Variants in TMEM51 observed in about 807,000 individuals in gnomAD.
The protein encoded by TMEM51 is chromosome 1 open reading frame 72.
TMEM51 carries 8 observed loss-of-function variants against 13.6 expected under a neutral mutation model. That is an observed-to-expected ratio of 0.59 (90% CI 0.35 to 1.07). The LOEUF (loss-of-function observed/expected upper bound fraction) is 1.07. Among genes scored for constraint, TMEM51 ranks in the 50% least tolerant of loss-of-function variants. TMEM51 has a pLI of 0.02. For missense variants in TMEM51, 279 were observed against 330.7 expected (o/e 0.84, Z 1.21); for synonymous variants, 147 against 144.4 (o/e 1.02, Z -0.13).
At chr1:15,219,065 G>A (rs1350039822) in intron 3 of TMEM51, among the ~76,000 whole-genome samples, 1 of 147,858 alleles carries the variant, frequency 6.8e-6, no homozygotes, top group Non-Finnish European at 1.5e-5. Flanking sequence ...CCCAATTTGG[G>A]GACTCACCTG....
At chr1:15,218,203 C>G (rs1573457155) in intron 3 of TMEM51, among the ~76,000 whole-genome samples, 1 of 152,192 alleles carries the variant, frequency 6.6e-6, no homozygotes, top group Non-Finnish European at 1.5e-5. Context: ...CTGAGAGGAC[C>G]TGATCTTTTT....
intron 1 of TMEM51, among the ~76,000 whole-genome samples, chr1:15,205,466 G>A (rs775049392): frequency 5.3e-5 from 8 of 152,194 alleles, no homozygotes; most frequent in Non-Finnish European, 1.0e-4. Flanking sequence ...GAAGGCCACA[G>A]AGGCCTCAAG....
intron 1 of TMEM51, among the ~76,000 whole-genome samples, chr1:15,186,489 C>A (rs1182895732): frequency 6.6e-6 from 1 of 152,100 alleles, no homozygotes; most frequent in Non-Finnish European, 1.5e-5. Context: ...CATGGATGAC[C>A]TTGGTTTTGA....
At chr1:15,186,636 A>G (rs12407705) in intron 1 of TMEM51, among the ~76,000 whole-genome samples, 29,813 of 152,156 alleles carry the variant, frequency 0.2, 3,146 homozygotes, top group Middle Eastern at 0.25. Context: ...GAAATTGTGC[A>G]TGGAAATTAA....
At chr1:15,153,323 C>A (rs1292453814), upstream of TMEM51, among the ~76,000 whole-genome samples, 3 of 152,134 alleles carry the variant, frequency 2.0e-5, no homozygotes, top group Admixed American at 6.5e-5. Flanking sequence ...AAGCGGGTCT[C>A]CCAGCTCCAC....
intron 1 of TMEM51, among the ~76,000 whole-genome samples, chr1:15,170,061 G>T (rs1450783357): frequency 6.6e-6 from 1 of 152,140 alleles, no homozygotes; most frequent in East Asian, 1.9e-4. Context: ...TCTCGAAATG[G>T]GGAGAATAGT....
At chr1:15,180,715 G>A (rs149072193) in intron 1 of TMEM51, among the ~76,000 whole-genome samples, 8 of 152,268 alleles carry the variant, frequency 5.3e-5, no homozygotes, top group Non-Finnish European at 7.4e-5. Flanking sequence ...GACAGTGGCC[G>A]TACTTCTTCC....
chr1:15,165,850 T>C (rs1434061855), intron 1 of TMEM51, among the ~76,000 whole-genome samples: 1 of 152,016 alleles, frequency 6.6e-6, no homozygotes, highest in Non-Finnish European at 1.5e-5. Context: ...TTTTTCAAAA[T>C]TAAGGTTATA....
intron 1 of TMEM51, among the ~76,000 whole-genome samples, chr1:15,159,683 A>G (rs1314855165): frequency 2.0e-5 from 3 of 152,138 alleles, no homozygotes; most frequent in African/African-American, 7.2e-5. Flanking sequence ...CAGCCTCCCT[A>G]GTAGCTGGGA....
chr1:15,201,077 G>C (rs1433622118), intron 1 of TMEM51, among the ~76,000 whole-genome samples: 1 of 152,180 alleles, frequency 6.6e-6, no homozygotes, highest in Non-Finnish European at 1.5e-5. Flanking sequence ...CCTTCATCCA[G>C]ATAAAACTAA....
At chr1:15,212,949 G>A (rs116130793) in intron 2 of TMEM51, among the ~76,000 whole-genome samples, 235 of 152,346 alleles carry the variant, frequency 1.5e-3, no homozygotes, top group African/African-American at 5.4e-3. Flanking sequence ...GAGCCAGTGC[G>A]TTCACGCACG....
At chr1:15,162,003 G>T (rs955216064) in intron 1 of TMEM51, among the ~76,000 whole-genome samples, 3 of 151,742 alleles carry the variant, frequency 2.0e-5, no homozygotes, top group Non-Finnish European at 4.4e-5. Flanking sequence ...TGAGGGCCTC[G>T]GGCAGAAGGA....
At position 15,217,526 on chromosome 1, in the gene TMEM51, T is replaced by A. The variant is rs151301393; in HGVS notation, c.345-1800T>A. ...TATTATGAGGAATTAGTTCCTGGGA[T>A]CATGGAAGCCAAAAAGTCCCACAAT... On this transcript the variant is annotated intron_variant, in intron 3 of 3. Transcript: ENST00000376008. Among the ~76,000 whole-genome samples, 1,074 of 152,260 alleles carry A rather than the reference T, an allele frequency of 7.1e-3. 5 individuals carry two copies. The highest frequency in any genetic ancestry group is 0.011 in the Non-Finnish European group (777 of 68,016).
chr1:15,181,830 T>C (rs1643624868), intron 1 of TMEM51, among the ~76,000 whole-genome samples: 1 of 152,208 alleles, frequency 6.6e-6, no homozygotes, highest in African/African-American at 2.4e-5. Context: ...TCTGGCTGCC[T>C]GCATGAAACT....
intron 1 of TMEM51, among the ~76,000 whole-genome samples, chr1:15,160,514 T>A (rs1270918945): frequency 3.3e-5 from 5 of 151,828 alleles, no homozygotes; most frequent in African/African-American, 4.9e-5. Context: ...CCTCAAGTGA[T>A]CCACCTGCCT....
chr1:15,198,698 G>A (rs139852777), intron 1 of TMEM51, among the ~76,000 whole-genome samples: 5 of 152,298 alleles, frequency 3.3e-5, no homozygotes, highest in Non-Finnish European at 5.9e-5. Context: ...GATCACAGGC[G>A]TGAGCCACCC....
chr1:15,173,196 G>A (rs1643348833), intron 1 of TMEM51, among the ~76,000 whole-genome samples: 1 of 149,934 alleles, frequency 6.7e-6, no homozygotes, highest in African/African-American at 2.5e-5. Context: ...GGAATCTGGG[G>A]TTTAACCTGA....
At chr1:15,200,395 G>A (rs145578783) in intron 1 of TMEM51, among the ~76,000 whole-genome samples, 2,606 of 120,704 alleles carry the variant, frequency 0.022, 91 homozygotes, top group African/African-American at 0.077. Context: ...GCAACAGAGC[G>A]AGACTCTGTC....
intron 1 of TMEM51, among the ~76,000 whole-genome samples, chr1:15,183,203 C>G (rs2100240804): frequency 6.6e-6 from 1 of 152,180 alleles, no homozygotes; most frequent in South Asian, 2.1e-4. Context: ...TGTCATTTAC[C>G]AAAAAAGCAC....
Sources: gnomAD v4.1 joint callset for allele counts (sites outside exome capture counted in the v4.1 genomes callset) on GRCh38, gnomAD v4.1.1 for gene constraint, MANE v1.5 for transcripts, NCBI Gene and HGNC (gene_info 2026-07-23, HGNC 2026-07-21) for gene names.